The following SLC24A2 variants were observed in gnomAD, a reference collection of about 807,000 sequenced individuals.
SLC24A2 encodes solute carrier family 24 member 2.
In SLC24A2, 36 loss-of-function variants were observed where a neutral mutation model predicts 62.0. That is an observed-to-expected ratio of 0.58 (90% confidence interval 0.44 to 0.77). The LOEUF is 0.77. Among genes scored for constraint, SLC24A2 ranks in the 30% least tolerant of loss-of-function variants. The pLI is 0.00. For synonymous variants in SLC24A2, 358 were observed against 294.0 expected (o/e 1.22, Z -2.23); for missense variants, 846 against 817.9 (o/e 1.03, Z -0.42).
At chr9:19,922,301 G>T in the SLC24A2 span, among the ~76,000 whole-genome samples, 1 of 152,144 alleles carries the variant, frequency 6.6e-6, no homozygotes, top group African/African-American at 2.4e-5. Context: ...TTTCAGGGGA[G>T]CCAAGAGATC....
chr9:20,096,753 T>C, the SLC24A2 span, among the ~76,000 whole-genome samples: 1 of 152,212 alleles, frequency 6.6e-6, no homozygotes, highest in African/African-American at 2.4e-5. Flanking sequence ...ATATTCTTTT[T>C]TTTAATGTTT....
the SLC24A2 span, among the ~76,000 whole-genome samples, chr9:19,908,824 A>G: frequency 6.6e-6 from 1 of 152,204 alleles, no homozygotes; most frequent in Admixed American, 6.5e-5. Context: ...TTAACAAGTC[A>G]GGAAACAACA....
At chr9:19,775,316 T>A (rs1023326684) in intron 2 of SLC24A2, among the ~76,000 whole-genome samples, 31 of 152,260 alleles carry the variant, frequency 2.0e-4, no homozygotes, top group African/African-American at 7.2e-4. Flanking sequence ...TTCACCCACA[T>A]TTCTTTTCCA....
chr9:20,230,196 G>A, the SLC24A2 span, among the ~76,000 whole-genome samples: 9 of 152,142 alleles, frequency 5.9e-5, no homozygotes, highest in African/African-American at 1.4e-4. Flanking sequence ...ATAAACATAC[G>A]TGTGCATGTG....
the SLC24A2 span, among the ~76,000 whole-genome samples, chr9:19,832,208 C>G: frequency 6.6e-6 from 1 of 152,194 alleles, no homozygotes; most frequent in Admixed American, 6.5e-5. Context: ...GCAGAGCATT[C>G]CAACTGTAAC....
At chr9:19,856,435 G>T in the SLC24A2 span, among the ~76,000 whole-genome samples, 1 of 151,980 alleles carries the variant, frequency 6.6e-6, no homozygotes, top group Non-Finnish European at 1.5e-5. Flanking sequence ...ATCTACCTTC[G>T]AACTTTGAGG....
chr9:19,690,060 C>G (rs35257775), intron 2 of SLC24A2, among the ~76,000 whole-genome samples: 38,041 of 152,034 alleles, frequency 0.25, 4,851 homozygotes, highest in Middle Eastern at 0.31. Flanking sequence ...GCTTTTCTGG[C>G]TCTACAGCTT....
the SLC24A2 span, among the ~76,000 whole-genome samples, chr9:20,039,834 G>C: frequency 1.1e-4 from 17 of 152,212 alleles, no homozygotes; most frequent in East Asian, 3.1e-3. Flanking sequence ...AAGGACCAAG[G>C]ATACCAGATA....
At chr9:20,169,348 G>A in the SLC24A2 span, among the ~76,000 whole-genome samples, 3 of 152,106 alleles carry the variant, frequency 2.0e-5, no homozygotes, top group East Asian at 3.9e-4. Context: ...CTCGTGTCAT[G>A]AACTTTTGCT....
the SLC24A2 span, among the ~76,000 whole-genome samples, chr9:19,985,385 A>C: frequency 6.6e-6 from 1 of 152,218 alleles, no homozygotes; most frequent in Non-Finnish European, 1.5e-5. Context: ...TAAACTTACA[A>C]TGGAAATACT....
At chr9:19,975,937 G>T in the SLC24A2 span, among the ~76,000 whole-genome samples, 1 of 139,982 alleles carries the variant, frequency 7.1e-6, no homozygotes, top group Non-Finnish European at 1.6e-5. Flanking sequence ...ACAGTATCTT[G>T]TTCTATCACC....
chr9:20,218,762 A>G, the SLC24A2 span, among the ~76,000 whole-genome samples: 1 of 152,074 alleles, frequency 6.6e-6, no homozygotes. Flanking sequence ...ATCACCACAA[A>G]TTTAGCAGCT....
chr9:19,646,263 T>C (rs145289178), intron 2 of SLC24A2, among the ~76,000 whole-genome samples: 1 of 152,282 alleles, frequency 6.6e-6, no homozygotes, highest in Admixed American at 6.5e-5. Context: ...CCATTTCAGT[T>C]TCTTGCTTGT....
the SLC24A2 span, among the ~76,000 whole-genome samples, chr9:20,161,698 A>G: frequency 2.0e-5 from 3 of 151,362 alleles, no homozygotes; most frequent in Non-Finnish European, 3.0e-5. Context: ...AATAAGAATG[A>G]TGCATATTTC....
chr9:19,532,643 A>T (rs1190049288), intron 8 of SLC24A2, among the ~76,000 whole-genome samples: 1 of 152,208 alleles, frequency 6.6e-6, no homozygotes, highest in Middle Eastern at 3.2e-3. Context: ...CATGACTGTG[A>T]AGACCTGGCC....
chr9:19,809,013 G>T, the SLC24A2 span, among the ~76,000 whole-genome samples: 26 of 152,182 alleles, frequency 1.7e-4, no homozygotes, highest in Admixed American at 1.7e-3. Flanking sequence ...CAAAGATTGA[G>T]GTTCTGAATC....
intron 2 of SLC24A2, among the ~76,000 whole-genome samples, chr9:19,732,968 A>G (rs1821383593): frequency 6.6e-6 from 1 of 152,200 alleles, no homozygotes; most frequent in East Asian, 1.9e-4. Context: ...TAAATGAGTA[A>G]TAGCTAGAGG....
chr9:20,098,075 G>GTATAAAGTATA, the SLC24A2 span, among the ~76,000 whole-genome samples: 3 of 152,054 alleles, frequency 2.0e-5, no homozygotes, highest in East Asian at 5.8e-4. Context: ...ATGGTACCAG[G>GTATAAAGTATA]TATAAAGTAT....
chr9:19,572,546 G>A (rs1225239895), intron 7 of SLC24A2, among the ~76,000 whole-genome samples: 1 of 152,050 alleles, frequency 6.6e-6, no homozygotes, highest in Non-Finnish European at 1.5e-5. Context: ...TTCCTGCTCT[G>A]CCATGGTAAG....
Sources: allele counts gnomAD v4.1 joint callset (sites outside exome capture counted in the v4.1 genomes callset), GRCh38; gene constraint gnomAD v4.1.1; transcripts MANE v1.5; gene names NCBI Gene and HGNC (gene_info 2026-07-23, HGNC 2026-07-21).